GON4L: variants seen among roughly 807,000 people sequenced by gnomAD.
GON4L encodes GON-4-like protein.
GON4L carries 87 observed loss-of-function variants against 211.8 expected under a neutral mutation model. The ratio of observed to expected loss-of-function variants is 0.41; its 90% CI spans 0.35 to 0.49. The LOEUF (loss-of-function observed/expected upper bound fraction) is 0.49. Among genes scored for constraint, GON4L ranks in the 20% least tolerant of loss-of-function variants. The probability of loss-of-function intolerance (pLI) is 0.15; values close to 1 mark genes in which losing one functional copy is unlikely to be tolerated. For missense variants in GON4L, 2,155 were observed against 2,659.5 expected (o/e 0.81, Z 4.17); for synonymous variants, 875 against 962.6 (o/e 0.91, Z 1.68).
intron 10 of GON4L, among the ~76,000 whole-genome samples, chr1:155,809,989 T>A (rs1667573237): frequency 3.8e-5 from 1 of 26,616 alleles, no homozygotes; most frequent in African/African-American, 7.0e-5. Context: ...TATATATATA[T>A]AATTATATAT....
At chr1:155,777,973 T>C (rs1664004561) in intron 14 of GON4L, among the ~76,000 whole-genome samples, 153 bp from the exon 15 acceptor site, 1 of 152,248 alleles carries the variant, frequency 6.6e-6, no homozygotes, top group African/African-American at 2.4e-5. Flanking sequence ...CTCAGCCTTT[T>C]ACAAATCTTT....
Position 155,826,919 on chromosome 1 carries a change from G to T in GON4L, c.615C>A (p.Ala205=), listed in dbSNP as rs375212531. The change falls in exon 3 of 32, where the codon GCC becomes GCA. Residue 205 remains alanine (A), a synonymous_variant. Coordinates refer to ENST00000368331, the MANE Select transcript of GON4L (RefSeq NM_001282860.2). ...PRKSTQPDVC[A]SPQEKPLRTL... is the part of the protein sequence containing the mutation. ...TCCTGAGTGGCTTTTCTTGAGGAGA[G>T]GCACAAACATCTGGCTGGGTTGATT... 1 of 1,613,678 alleles carries T rather than the reference G, an allele frequency of 6.2e-7. No individual in the cohort carries two copies. The highest frequency in any genetic ancestry group is 1.3e-5 in the African/African-American group (1 of 74,908).
Position 155,799,433 on chromosome 1 carries a change from T to A in GON4L, c.1646-4282A>T, listed in dbSNP as rs538564744. 6.3e-4 allele frequency among the ~76,000 whole-genome samples: 96 copies of A among 152,240 alleles called. 1 individual carries two copies. Among genetic ancestry groups the A allele is most frequent in the African/African-American group, 2.3e-3 (95 of 41,550 alleles). ...TGGGTGACAAGAGTGAGACCCTGTC[T>A]CAAAACAAAACAAAACAAACTGAAG... is the stretch of plus-strand genomic sequence containing the variant. On this transcript the variant is annotated intron_variant, in intron 11 of 31. Transcript: ENST00000368331.
At chr1:155,858,386 A>G (rs1672438384), upstream of GON4L, among the ~76,000 whole-genome samples, 1 of 152,222 alleles carries the variant, frequency 6.6e-6, no homozygotes, top group Non-Finnish European at 1.5e-5. Flanking sequence ...AATCCAACGG[A>G]TGAAATTATC....
At chr1:155,747,297 T>TC (rs1190793323), downstream of GON4L, 1 of 1,257,444 alleles carries the variant, frequency 8.0e-7, no homozygotes, top group Non-Finnish European at 1.1e-6. Flanking sequence ...CCGCTACAAC[T>TC]CCAAAACCAC....
chr1:155,799,596 G>A (rs531359583), intron 11 of GON4L, among the ~76,000 whole-genome samples: 4 of 152,222 alleles, frequency 2.6e-5, no homozygotes, highest in Middle Eastern at 3.4e-3. Context: ...TAGATCCCTA[G>A]ACCATACTCA....
rs73001085 is a variant in GON4L, at chr1:155,819,806, A to C, written c.1014+800T>G. On this transcript the variant is annotated intron_variant, in intron 6 of 31. Transcript: ENST00000368331. ...GTCTTCAAGTGGTTCTCAACACTTTAGTATTCAAAAGAATTAACTGTTGTG... is the reference window on the plus strand; with the variant it reads ...GTCTTCAAGTGGTTCTCAACACTTTCGTATTCAAAAGAATTAACTGTTGTG... Among the ~76,000 whole-genome samples, 853 of 152,356 alleles carry C rather than the reference A, an allele frequency of 5.6e-3. 7 individuals are homozygous for C. Among genetic ancestry groups the C allele is most frequent in the African/African-American group, 0.019 (806 of 41,580 alleles).
intron 14 of GON4L, among the ~76,000 whole-genome samples, chr1:155,778,711 C>T (rs1415220114): frequency 2.0e-5 from 3 of 152,108 alleles, no homozygotes; most frequent in African/African-American, 7.2e-5. Context: ...TCCCTTCCCC[C>T]GCTCCCCCAA....
chr1:155,823,238 A>G (rs1199817566), intron 3 of GON4L, among the ~76,000 whole-genome samples: 2 of 152,208 alleles, frequency 1.3e-5, no homozygotes, highest in East Asian at 1.9e-4. Context: ...CCAACTGTAC[A>G]TATTTTTCAA....
upstream of GON4L, among the ~76,000 whole-genome samples, chr1:155,857,653 C>A (rs2102542314): frequency 6.6e-6 from 1 of 152,114 alleles, no homozygotes. Context: ...CGCTTGAACC[C>A]GGGAGACGGA....
intron 21 of GON4L, chr1:155,764,426 A>ATTTTTTTT (rs371568461): frequency 8.6e-5 from 12 of 139,550 alleles, no homozygotes; most frequent in African/African-American, 2.5e-4. Flanking sequence ...GTTATTTACT[A>ATTTTTTTT]TTTTTTTTTT....
intron 22 of GON4L, 124 bp downstream of exon 22, chr1:155,763,188 G>A: frequency 1.2e-6 from 1 of 803,166 alleles, no homozygotes; most frequent in Non-Finnish European, 2.0e-6. Flanking sequence ...TGTTGCAGAA[G>A]AGATCCAGAG....
rs1571667971 is a variant in GON4L at position 155,767,415 on chromosome 1, A to G, written c.2763+10T>C. The G allele has an allele frequency of 6.2e-7, 1 of 1,613,840 alleles. No homozygotes were observed. Among genetic ancestry groups the G allele is most frequent in the Non-Finnish European group, 8.5e-7 (1 of 1,179,802 alleles). ...CTGCCTCCTACAGACTTCGAGGAAG[A>G]GGGCTGTACCTTTAACCAGAATGGG... On this transcript the variant is annotated intron_variant, in intron 20 of 31. Transcript: ENST00000368331.
At chr1:155,785,816 G>T (rs187410878) in intron 12 of GON4L, among the ~76,000 whole-genome samples, 5 of 152,214 alleles carry the variant, frequency 3.3e-5, no homozygotes, top group Admixed American at 3.3e-4. Context: ...ATTTATTGAG[G>T]CCGGGAGCGG....
intron 2 of GON4L, among the ~76,000 whole-genome samples, chr1:155,852,036 G>T (rs1347882226): frequency 1.3e-5 from 2 of 151,342 alleles, no homozygotes; most frequent in African/African-American, 4.9e-5. Flanking sequence ...GTGGTGGCAG[G>T]CACCTGTAAT....
intron 2 of GON4L, among the ~76,000 whole-genome samples, chr1:155,843,300 G>C (rs945525786): frequency 2.0e-5 from 3 of 152,106 alleles, no homozygotes; most frequent in East Asian, 1.9e-4. Flanking sequence ...CATGATTGCA[G>C]AATCTGTCAT....
At chr1:155,824,462 A>G (rs12125080) in intron 3 of GON4L, among the ~76,000 whole-genome samples, 2 of 143,794 alleles carry the variant, frequency 1.4e-5, no homozygotes, top group African/African-American at 5.2e-5. Context: ...AAAAAAAAAA[A>G]GGCTAGGCAC....
At chr1:155,750,870 T>C (rs952425725) in intron 31 of GON4L, 137 bp from the exon 32 acceptor site, 20 of 766,208 alleles carry the variant, frequency 2.6e-5, no homozygotes, top group Admixed American at 1.1e-4. Flanking sequence ...TTCAAGCAAT[T>C]CTCCTGCCTC....
chr1:155,836,071 C>A (rs1670264479), intron 2 of GON4L, among the ~76,000 whole-genome samples: 2 of 152,056 alleles, frequency 1.3e-5, no homozygotes, highest in South Asian at 2.1e-4. Flanking sequence ...GAGCAAAACC[C>A]CGGCTCTACT....
Sources: gnomAD v4.1 joint callset for allele counts (sites outside exome capture counted in the v4.1 genomes callset) on GRCh38, gnomAD v4.1.1 for gene constraint, MANE v1.5 for transcripts, NCBI Gene and HGNC (gene_info 2026-07-23, HGNC 2026-07-21) for gene names.